The following MYO5A variants were observed in gnomAD, a reference collection of about 807,000 sequenced individuals.
MYO5A encodes unconventional myosin-Va.
MYO5A carries 98 observed loss-of-function variants against 249.7 expected under a neutral mutation model. The observed-to-expected ratio is 0.39, with a 90% confidence interval of 0.33 to 0.46. MYO5A has a LOEUF of 0.46. MYO5A is among the 20% of genes least tolerant of loss of function. MYO5A has a pLI of 0.98. For synonymous variants in MYO5A, 778 were observed against 810.6 expected (o/e 0.96, Z 0.68); for missense variants, 1,696 against 2,308.8 (o/e 0.73, Z 5.44).
chr15:52,516,573 G>A (rs969746360), intron 1 of MYO5A, among the ~76,000 whole-genome samples: 6 of 152,152 alleles, frequency 3.9e-5, no homozygotes, highest in Non-Finnish European at 5.9e-5. Flanking sequence ...CTAGTCCTTC[G>A]GAAGGGCTGC....
intron 10 of MYO5A, 47 bp from the exon 11 acceptor site, chr15:52,396,444 G>C (rs1207307693): frequency 8.7e-7 from 1 of 1,145,192 alleles, no homozygotes; most frequent in African/African-American, 1.5e-5. Context: ...GGAACAAAAA[G>C]CTTTTTAAAA....
intron 1 of MYO5A, among the ~76,000 whole-genome samples, chr15:52,488,987 T>G (rs748209448): frequency 6.6e-6 from 1 of 152,176 alleles, no homozygotes; most frequent in African/African-American, 2.4e-5. Context: ...GTCAATAGCA[T>G]AACTAAATTT....
intron 13 of MYO5A, 41 bp from the exon 14 acceptor site, chr15:52,387,953 T>C (rs769745269): frequency 7.4e-6 from 10 of 1,343,890 alleles, no homozygotes; most frequent in African/African-American, 1.4e-5. Context: ...GATAAAACTT[T>C]TGAATAGATA....
At chr15:52,336,244 T>A (rs779772425) in intron 34 of MYO5A, among the ~76,000 whole-genome samples, 1 of 152,182 alleles carries the variant, frequency 6.6e-6, no homozygotes, top group Non-Finnish European at 1.5e-5. Flanking sequence ...GCTTACAGAG[T>A]AAAATCTGTA....
chr15:52,397,198 C>T lies in MYO5A; in HGVS notation c.1319+3G>A, dbSNP rs2042527534. 2 of 1,613,728 alleles carry T rather than the reference C, an allele frequency of 1.2e-6. No individual in the cohort carries two copies. Among genetic ancestry groups the T allele is most frequent in the African/African-American group, 1.3e-5 (1 of 74,922 alleles). On this transcript the variant is annotated splice_donor_region_variant and intron_variant, in intron 10 of 41. Transcript: ENST00000399233. ...GGCAGACCAATTAGCCAAATATACTCACCCGTAAATGTCTAGCACACCAAT... is the reference window on the plus strand; with the variant it reads ...GGCAGACCAATTAGCCAAATATACTTACCCGTAAATGTCTAGCACACCAAT...
intron 1 of MYO5A, among the ~76,000 whole-genome samples, chr15:52,471,488 T>A (rs188031803): frequency 3.8e-4 from 58 of 151,726 alleles, no homozygotes; most frequent in Admixed American, 8.5e-4. Flanking sequence ...GGCATGGTAG[T>A]GTGCACCTGT....
intron 1 of MYO5A, among the ~76,000 whole-genome samples, chr15:52,491,280 A>C (rs998334096): frequency 1.3e-5 from 2 of 152,196 alleles, no homozygotes; most frequent in African/African-American, 2.4e-5. Context: ...AGAGGGACTT[A>C]AGTAACTCAT....
chr15:52,526,167 A>C (rs533287723), intron 1 of MYO5A, among the ~76,000 whole-genome samples: 1 of 152,298 alleles, frequency 6.6e-6, no homozygotes, highest in East Asian at 1.9e-4. Context: ...TGTCTTTATA[A>C]TGACAAAGAG....
At position 52,419,341 on chromosome 15, in the gene MYO5A, T is replaced by C. The variant is rs561146380; in HGVS notation, c.456-3040A>G. The stretch of plus-strand genomic sequence containing the variant: ...TAAGTTAGTGTAATAAAATGCTTTC[T>C]TTCAAAACTGTGTTTTTACCGTGGT... On this transcript the variant is annotated intron_variant, in intron 4 of 41. Transcript: ENST00000399233. 3.4e-4 allele frequency among the ~76,000 whole-genome samples: 52 copies of C among 152,332 alleles called. 2 individuals carry two copies. The South Asian group carries it at 9.1e-3, about 27-fold the overall frequency.
intron 26 of MYO5A, 21 bp downstream of exon 26, chr15:52,353,850 C>T (rs372402656): frequency 1.7e-5 from 27 of 1,612,620 alleles, no homozygotes; most frequent in African/African-American, 5.3e-5. Context: ...TTCAGCTCTG[C>T]GGATGGGCTG....
chr15:52,429,633 G>A (rs962179127), intron 2 of MYO5A, among the ~76,000 whole-genome samples: 1 of 152,046 alleles, frequency 6.6e-6, no homozygotes, highest in African/African-American at 2.4e-5. Context: ...AGGTTGCAGT[G>A]AGCCAAGATC....
chr15:52,425,701 C>G, intron 4 of MYO5A, 129 bp downstream of exon 4: 2 of 1,085,826 alleles, frequency 1.8e-6, no homozygotes, highest in Non-Finnish European at 2.7e-6. Context: ...CTGAGACAAA[C>G]TTGTCAAGGC....
chr15:52,419,808 T>C (rs1294978164), intron 4 of MYO5A, among the ~76,000 whole-genome samples: 5 of 152,330 alleles, frequency 3.3e-5, no homozygotes, highest in Admixed American at 6.5e-5. Flanking sequence ...AGAGCAGAAA[T>C]AGCCAACTAT....
intron 34 of MYO5A, among the ~76,000 whole-genome samples, chr15:52,332,334 C>T (rs1405648132): frequency 2.0e-5 from 3 of 152,146 alleles, no homozygotes; most frequent in African/African-American, 7.2e-5. Flanking sequence ...GCCAACTAAA[C>T]TATAACCCAT....
chr15:52,328,049 T>G, intron 35 of MYO5A, 43 bp from the exon 36 acceptor site: 1 of 1,508,806 alleles, frequency 6.6e-7, no homozygotes, highest in Non-Finnish European at 9.2e-7. Context: ...ATGGAAAATT[T>G]TCACGAGGCA....
Position 52,317,076 on chromosome 15 carries a change from G to C in MYO5A, c.5381C>G (p.Ser1794Cys). The change falls in exon 40 of 42, where the codon TCT (serine) becomes TGT (cysteine). Residue 1794 changes from serine to cysteine, a missense_variant. Ser to Cys is a moderately radical substitution (Grantham distance 112). Transcript: ENST00000399233. ...KTDDDAEAIC[S>C]MCNALTTAQI... is the part of the protein sequence containing the mutation. Reference sequence around the variant, plus strand: ...GGCAGTAGTTAAAGCATTGCACATAGAACAAATGGCTTCTGCATCATCATC... The same window carrying C: ...GGCAGTAGTTAAAGCATTGCACATACAACAAATGGCTTCTGCATCATCATC... The C allele has an allele frequency of 6.2e-7, 1 of 1,614,126 alleles. No homozygotes were observed. The highest frequency in any genetic ancestry group is 8.5e-7 in the Non-Finnish European group (1 of 1,179,996).
intron 34 of MYO5A, among the ~76,000 whole-genome samples, chr15:52,332,766 C>T (rs1441751754): frequency 6.6e-6 from 1 of 152,152 alleles, no homozygotes; most frequent in East Asian, 1.9e-4. Context: ...GAGTTCAAGA[C>T]CACCCTGACC....
intron 36 of MYO5A, among the ~76,000 whole-genome samples, chr15:52,326,394 T>A (rs2038606920): frequency 6.6e-6 from 1 of 152,224 alleles, no homozygotes; most frequent in Non-Finnish European, 1.5e-5. Context: ...ATAAAATGAA[T>A]TATGTTGGGA....
intron 1 of MYO5A, among the ~76,000 whole-genome samples, chr15:52,451,997 A>G (rs1394076843): frequency 6.6e-6 from 1 of 152,238 alleles, no homozygotes; most frequent in Non-Finnish European, 1.5e-5. Flanking sequence ...TGTATATTTC[A>G]TTAAATCTAA....
Sources: allele counts gnomAD v4.1 joint callset (sites outside exome capture counted in the v4.1 genomes callset), GRCh38; gene constraint gnomAD v4.1.1; transcripts MANE v1.5; gene names NCBI Gene and HGNC (gene_info 2026-07-23, HGNC 2026-07-21).